Variants in CNTNAP5 observed in about 807,000 individuals in gnomAD.
The protein encoded by CNTNAP5 is contactin associated protein family member 5.
In CNTNAP5, 72 loss-of-function variants were observed where a neutral mutation model predicts 150.2. That is an observed-to-expected ratio of 0.48 (90% CI 0.40 to 0.58). The LOEUF (loss-of-function observed/expected upper bound fraction) is 0.58. Ranked by LOEUF, CNTNAP5 falls within the 20% of genes least tolerant of loss-of-function variation. The pLI, the probability that CNTNAP5 is intolerant of heterozygous loss-of-function variation, is 0.00. For synonymous variants in CNTNAP5, 672 were observed against 619.8 expected (o/e 1.08, Z -1.25); for missense variants, 1,636 against 1,626.2 (o/e 1.01, Z -0.10).
intron 3 of CNTNAP5, among the ~76,000 whole-genome samples, chr2:124,316,189 G>A (rs1267852154): frequency 1.3e-5 from 2 of 152,116 alleles, no homozygotes; most frequent in African/African-American, 4.8e-5. Context: ...TGTAAGATGT[G>A]ATCTTCACCA....
In CNTNAP5 at chr2:124,356,992, T is replaced by C. The variant is rs914569737; in HGVS notation, c.382-60451T>C. ...TGTTGTTTCCTGACTTTTTAATGAT[T>C]GCCATTCTAACTGGTGTGAGATGGT... On this transcript the variant is annotated intron_variant, in intron 3 of 23. Coordinates refer to ENST00000682447, the MANE Select transcript of CNTNAP5 (RefSeq NM_001367498.1). 4.6e-5 allele frequency among the ~76,000 whole-genome samples: 7 copies of C among 152,240 alleles called. 1 individual carries two copies. Among genetic ancestry groups the C allele is most frequent in the Middle Eastern group, 6.8e-3 (2 of 294 alleles).
chr2:124,378,397 G>A (rs549266742), intron 3 of CNTNAP5, among the ~76,000 whole-genome samples: 35 of 152,132 alleles, frequency 2.3e-4, no homozygotes, highest in African/African-American at 7.9e-4. Flanking sequence ...TTATGAAGGC[G>A]ACCATTTTTA....
chr2:124,270,130 A>G (rs1387120017), intron 3 of CNTNAP5, among the ~76,000 whole-genome samples: 2 of 152,120 alleles, frequency 1.3e-5, no homozygotes, highest in African/African-American at 4.8e-5. Context: ...AGCCTGGCCA[A>G]CATGGTGAAA....
intron 13 of CNTNAP5, among the ~76,000 whole-genome samples, chr2:124,735,997 G>A (rs1680374397): frequency 1.3e-5 from 2 of 152,166 alleles, no homozygotes; most frequent in South Asian, 4.1e-4. Flanking sequence ...TTGGGAGGCT[G>A]AGGCGGGCAG....
intron 11 of CNTNAP5, among the ~76,000 whole-genome samples, chr2:124,584,481 T>C (rs987248541): frequency 6.6e-6 from 1 of 152,222 alleles, no homozygotes; most frequent in African/African-American, 2.4e-5. Context: ...AAATATCCTC[T>C]AAGTGTAGCT....
chr2:124,600,753 GAGAGAGAGAGAGAGAA>G (rs1225682496), intron 11 of CNTNAP5, among the ~76,000 whole-genome samples: 59 of 134,118 alleles, frequency 4.4e-4, no homozygotes, highest in Middle Eastern at 3.8e-3. Context: ...GAGAGAGAGA[GAGAGAGAGAGAGAGAA>G]AGAGAGAGAA....
chr2:124,038,270 C>T (rs1202491599), intron 1 of CNTNAP5, among the ~76,000 whole-genome samples: 1 of 152,126 alleles, frequency 6.6e-6, no homozygotes, highest in East Asian at 1.9e-4. Flanking sequence ...GTAGTAAATG[C>T]TTTGTTTTAT....
chr2:124,836,729 CG>C (rs1682836862), intron 19 of CNTNAP5, among the ~76,000 whole-genome samples: 1 of 151,894 alleles, frequency 6.6e-6, no homozygotes, highest in Non-Finnish European at 1.5e-5. Context: ...TAATATGCCC[CG>C]GGTTGTTTTA....
chr2:124,444,149 C>A (rs1692746129), intron 5 of CNTNAP5, among the ~76,000 whole-genome samples: 1 of 152,022 alleles, frequency 6.6e-6, no homozygotes, highest in Non-Finnish European at 1.5e-5. Context: ...CCACCTCCTG[C>A]CAACGCCTCA....
chr2:124,677,781 G>C (rs1049590011), intron 13 of CNTNAP5, among the ~76,000 whole-genome samples: 10 of 151,790 alleles, frequency 6.6e-5, no homozygotes, highest in Non-Finnish European at 1.3e-4. Flanking sequence ...AGTGCTGATT[G>C]GTGCGTTTAC....
intron 11 of CNTNAP5, among the ~76,000 whole-genome samples, chr2:124,574,935 A>G (rs1696245149): frequency 6.6e-6 from 1 of 152,218 alleles, no homozygotes; most frequent in Admixed American, 6.5e-5. Context: ...TTTGTGCCAT[A>G]TTCAAGGGAA....
chr2:124,128,191 A>T (rs1438631034), intron 1 of CNTNAP5, among the ~76,000 whole-genome samples: 1 of 152,224 alleles, frequency 6.6e-6, no homozygotes, highest in Non-Finnish European at 1.5e-5. Context: ...AAGAATCTAC[A>T]AAGAACTTCA....
intron 3 of CNTNAP5, among the ~76,000 whole-genome samples, chr2:124,344,475 A>T (rs555454670): frequency 6.6e-6 from 1 of 152,304 alleles, no homozygotes; most frequent in South Asian, 2.1e-4. Flanking sequence ...GCCCCATGTA[A>T]GTCCAAAACC....
intron 3 of CNTNAP5, among the ~76,000 whole-genome samples, chr2:124,283,733 G>A (rs1215424988): frequency 6.6e-6 from 1 of 152,210 alleles, no homozygotes; most frequent in Non-Finnish European, 1.5e-5. Flanking sequence ...CAGTTCTAGA[G>A]ATCTGGAAGT....
chr2:124,611,026 TTTTGTTTG>T, intron 12 of CNTNAP5, among the ~76,000 whole-genome samples: 1 of 151,148 alleles, frequency 6.6e-6, no homozygotes, highest in South Asian at 2.1e-4. Context: ...CACGCACATT[TTTTGTTTG>T]TTTGTTTGTT....
intron 3 of CNTNAP5, among the ~76,000 whole-genome samples, chr2:124,372,501 G>A (rs1254487290): frequency 1.3e-5 from 2 of 152,030 alleles, no homozygotes; most frequent in Non-Finnish European, 2.9e-5. Flanking sequence ...TACTGTTGAA[G>A]GTATATAATT....
chr2:124,708,226 CAGT>C (rs1251565114), intron 13 of CNTNAP5, among the ~76,000 whole-genome samples: 1 of 152,108 alleles, frequency 6.6e-6, no homozygotes, highest in African/African-American at 2.4e-5. Flanking sequence ...ACGAAGGTGT[CAGT>C]AGGAATGGAG....
At chr2:124,897,895 G>A (rs1678338082) in intron 21 of CNTNAP5, among the ~76,000 whole-genome samples, 1 of 150,198 alleles carries the variant, frequency 6.7e-6, no homozygotes, top group East Asian at 1.9e-4. Context: ...ACATACAAAT[G>A]AGCATACTAA....
At chr2:124,316,511 G>A (rs1688962507) in intron 3 of CNTNAP5, among the ~76,000 whole-genome samples, 1 of 152,034 alleles carries the variant, frequency 6.6e-6, no homozygotes, top group Admixed American at 6.5e-5. Flanking sequence ...AGTGTGCTAA[G>A]AATGGCTCTC....
Sources: allele counts gnomAD v4.1 joint callset (sites outside exome capture counted in the v4.1 genomes callset), GRCh38; gene constraint gnomAD v4.1.1; transcripts MANE v1.5; gene names NCBI Gene and HGNC (gene_info 2026-07-23, HGNC 2026-07-21).